TERF2IP: variants seen among roughly 807,000 people sequenced by gnomAD.
TERF2IP encodes the protein TERF2 interacting protein.
Under a neutral mutation model 33.3 loss-of-function variants are expected in TERF2IP, and 35 were observed. That is an observed-to-expected ratio of 1.05 (90% CI 0.80 to 1.39). The LOEUF is 1.39. Ranked by LOEUF, TERF2IP falls within the 40% of genes most tolerant of loss-of-function variation. The pLI, the probability that TERF2IP is intolerant of heterozygous loss-of-function variation, is 0.00. For missense variants in TERF2IP, 583 were observed against 524.8 expected (o/e 1.11, Z -1.08); for synonymous variants, 253 against 223.2 (o/e 1.13, Z -1.19).
chr16:75,650,858 G>A (rs1247005248), intron 1 of TERF2IP, among the ~76,000 whole-genome samples: 1 of 152,062 alleles, frequency 6.6e-6, no homozygotes, highest in South Asian at 2.1e-4. Context: ...TTTTAAATCC[G>A]TGATGTTGGG....
intron 2 of TERF2IP, among the ~76,000 whole-genome samples, chr16:75,655,848 C>T (rs117732618): frequency 6.6e-6 from 1 of 152,258 alleles, no homozygotes; most frequent in Non-Finnish European, 1.5e-5. Flanking sequence ...ATCTAATGAA[C>T]ATGTGTGCAC....
At chr16:75,654,769 C>T (rs1275081549) in intron 2 of TERF2IP, among the ~76,000 whole-genome samples, 1 of 152,184 alleles carries the variant, frequency 6.6e-6, no homozygotes, top group Non-Finnish European at 1.5e-5. Context: ...GGCTCTGTCG[C>T]CCAGGCTGGA....
At position 75,647,969 on chromosome 16, in the gene TERF2IP, G is replaced by T; in HGVS notation, c.87G>T (p.Met29Ile). The change falls in exon 1 of 3, where the codon ATG (methionine) becomes ATT (isoleucine). Residue 29 changes from methionine (M) to isoleucine (I), a missense_variant. Transcript: ENST00000300086. ...TCGTGAGGGACGACGGCAGCTCCAT[G>T]TCCTTCTACGTGCGGCCCAGCCCGG... The part of the protein sequence containing the change: ...TLFVRDDGSS[M>I]SFYVRPSPAK... 1.2e-6 allele frequency: 2 copies of T among 1,613,806 alleles called. No homozygotes were observed.
intron 1 of TERF2IP, 54 bp downstream of exon 1, chr16:75,648,606 T>A: frequency 2.1e-6 from 3 of 1,462,408 alleles, no homozygotes; most frequent in Non-Finnish European, 2.7e-6. Flanking sequence ...GGGGTTGGGA[T>A]CTTTCTCCTG....
intron 1 of TERF2IP, among the ~76,000 whole-genome samples, chr16:75,652,209 C>T (rs2082352896): frequency 6.6e-6 from 1 of 152,192 alleles, no homozygotes; most frequent in Non-Finnish European, 1.5e-5. Flanking sequence ...ATTACCGTCT[C>T]TTGTCTGTTG....
chr16:75,654,463 C>A, intron 2 of TERF2IP, 66 bp downstream of exon 2: 1 of 1,524,170 alleles, frequency 6.6e-7, no homozygotes, highest in Non-Finnish European at 8.9e-7. Flanking sequence ...ACTGGTTATC[C>A]TGTACACCTT....
At position 75,648,526 on chromosome 16, in the gene TERF2IP, AGGACCC is replaced by A; in HGVS notation, c.648_653del (p.Asp216_Pro217del). On this transcript the variant is annotated inframe_deletion, in exon 1 of 3. Coordinates refer to ENST00000300086, the MANE Select transcript of TERF2IP (RefSeq NM_018975.4). ...CAGAAGCTCAAGCGGAAGGCGGAGG[AGGACCC>A]GGAGGCCGCGGATAGCGGGGGTGAG... 1 of 1,569,848 alleles carries A rather than the reference AGGACCC, an allele frequency of 6.4e-7. No individual in the cohort carries two copies. Among genetic ancestry groups the A allele is most frequent in the East Asian group, 2.3e-5 (1 of 43,500 alleles).
chr16:75,650,365 G>T (rs928718810), intron 1 of TERF2IP, among the ~76,000 whole-genome samples: 22 of 152,194 alleles, frequency 1.4e-4, no homozygotes, highest in African/African-American at 5.3e-4. Context: ...AGAAGCCAGG[G>T]CAATCGCCCT....
At chr16:75,654,246 A>T in intron 1 of TERF2IP, 27 bp from the exon 2 acceptor site, 1 of 1,592,158 alleles carries the variant, frequency 6.3e-7, no homozygotes, top group Non-Finnish European at 8.6e-7. Flanking sequence ...GGCTATTGCT[A>T]ATCTGTGCTG....
intron 1 of TERF2IP, among the ~76,000 whole-genome samples, chr16:75,652,085 G>A (rs2082351946): frequency 6.6e-6 from 1 of 152,094 alleles, no homozygotes; most frequent in Non-Finnish European, 1.5e-5. Flanking sequence ...TGGCAGTTTT[G>A]TTCTAGGAAT....
At chr16:75,651,248 AAAGAGCTCTTTGTCATT>A (rs1456736245) in intron 1 of TERF2IP, among the ~76,000 whole-genome samples, 1 of 152,184 alleles carries the variant, frequency 6.6e-6, no homozygotes, top group African/African-American at 2.4e-5. Context: ...TTTAATGTCT[AAAGAGCTCTTTGTCATT>A]AAGTAAGAAG....
chr16:75,650,756 C>G (rs866425248), intron 1 of TERF2IP, among the ~76,000 whole-genome samples: 1 of 151,994 alleles, frequency 6.6e-6, no homozygotes, highest in African/African-American at 2.4e-5. Flanking sequence ...AGGCTGGTCT[C>G]GAACTCCTGG....
chr16:75,652,851 T>G (rs1363466111), intron 1 of TERF2IP, among the ~76,000 whole-genome samples: 1 of 152,160 alleles, frequency 6.6e-6, no homozygotes, highest in African/African-American at 2.4e-5. Flanking sequence ...AAACTGAAAC[T>G]CCATGCCTTT....
chr16:75,656,494 T>C lies in TERF2IP; in HGVS notation c.1083T>C (p.Ile361=). 1 of 1,614,204 alleles carries C rather than the reference T, an allele frequency of 6.2e-7. No homozygotes were observed. The highest frequency in any genetic ancestry group is 8.5e-7 in the Non-Finnish European group (1 of 1,180,040). Residue 361 remains isoleucine, a synonymous_variant, in exon 3 of 3, where the codon ATT becomes ATC. Coordinates refer to ENST00000300086, the MANE Select transcript of TERF2IP (RefSeq NM_018975.4). ...ASGQRADGYP[I]WSRQDDIDLQ... The stretch of plus-strand genomic sequence containing the variant: ...GTCAGAGAGCTGATGGATATCCCAT[T>C]TGGTCCCGACAAGATGACATAGATT...
At position 75,657,383 on chromosome 16, in the gene TERF2IP, C is replaced by A. The variant is rs991535394; in HGVS notation, c.*772C>A. The A allele has an allele frequency of 6.6e-6, 1 of 152,158 alleles. No individual in the cohort carries two copies. Among genetic ancestry groups the A allele is most frequent in the African/African-American group, 2.4e-5 (1 of 41,436 alleles). The allele number at this position is 152,158 out of a possible 1,614,324, so 9.4% of individuals were successfully genotyped here. On this transcript the variant is annotated 3_prime_UTR_variant, in exon 3 of 3. Transcript: ENST00000300086. ...TTAAAAAATTAGTGGATTGACTCCA[C>A]TTTGTTGTGTTGTTTTCATTGTTGA...
chr16:75,651,545 C>T (rs1022929608), intron 1 of TERF2IP, among the ~76,000 whole-genome samples: 10 of 152,090 alleles, frequency 6.6e-5, no homozygotes, highest in African/African-American at 2.4e-4. Context: ...AAAAACTATC[C>T]AGGCATGGTG....
rs1335719660 is a variant in TERF2IP at position 75,656,271 on chromosome 16, C to T, written c.860C>T (p.Pro287Leu). The T allele has an allele frequency of 1.2e-6, 2 of 1,613,894 alleles. No homozygotes were observed. Among genetic ancestry groups the T allele is most frequent in the Non-Finnish European group, 1.7e-6 (2 of 1,180,018 alleles). ...ATGTGTGATGATGATCCACCCACAC[C>T]TGAGGAAGACTCAGAAACACAGCCT... ...ITMCDDDPPT[P>L]EEDSETQPDE... The change falls in exon 3 of 3, where the codon CCT becomes CTT. Residue 287 changes from proline to leucine, a missense_variant. Coordinates refer to ENST00000300086, the MANE Select transcript of TERF2IP (RefSeq NM_018975.4).
chr16:75,656,096 C>A, intron 2 of TERF2IP, 111 bp from the exon 3 acceptor site: 1 of 1,026,480 alleles, frequency 9.7e-7, no homozygotes, highest in Non-Finnish European at 1.4e-6. Flanking sequence ...GAAGGAAGTC[C>A]AGTGTGATTG....
Position 75,654,387 on chromosome 16 carries a change from AGGAGGTTGT to A in TERF2IP, c.788_795+1del. ...CTTGTGGAAGCCACCCGGGAGTTTG[AGGAGGTTGT>A]GGTATGTTAACTAGATTTACTCATT... On this transcript the variant is annotated inframe_deletion and splice_region_variant, in exon 2 of 3. Coordinates refer to ENST00000300086, the MANE Select transcript of TERF2IP (RefSeq NM_018975.4). 1 of 1,613,300 alleles carries A rather than the reference AGGAGGTTGT, an allele frequency of 6.2e-7. No individual in the cohort carries two copies. Among genetic ancestry groups the A allele is most frequent in the Non-Finnish European group, 8.5e-7 (1 of 1,179,554 alleles).
Sources: gnomAD v4.1 joint callset for allele counts (sites outside exome capture counted in the v4.1 genomes callset) on GRCh38, gnomAD v4.1.1 for gene constraint, MANE v1.5 for transcripts, NCBI Gene and HGNC (gene_info 2026-07-23, HGNC 2026-07-21) for gene names.